Variants in LYVE1 observed in about 807,000 individuals in gnomAD.
LYVE1 encodes the protein lymphatic vessel endothelial hyaluronan receptor 1.
A neutral mutation model predicts 31.5 loss-of-function variants in LYVE1; 29 were observed. The observed-to-expected ratio is 0.92, with a 90% CI of 0.69 to 1.26. The LOEUF is 1.26. Ranked by LOEUF, LYVE1 falls within the 50% of genes most tolerant of loss-of-function variation. LYVE1 has a pLI of 0.00. For synonymous variants in LYVE1, 134 were observed against 139.4 expected, an observed-to-expected ratio of 0.96 and a Z score of 0.27; for missense variants, 376 against 380.2, an observed-to-expected ratio of 0.99 and a Z score of 0.09.
At chr11:10,560,419 A>G in intron 4 of LYVE1, 76 bp downstream of exon 4, 1 of 1,319,114 alleles carries the variant, frequency 7.6e-7, no homozygotes. Flanking sequence ...TCATCTAAAG[A>G]CAGGCAGGAT....
At position 10,558,312 on chromosome 11, in the gene LYVE1, G is replaced by C. The variant is rs1188393171; in HGVS notation, c.*799C>G. ...GTAATCTTCCTTAGTAATCATTTCT[G>C]TAACTCAGATAAAAATAGAAATTTA... On this transcript the variant is annotated 3_prime_UTR_variant, in exon 6 of 6. Transcript: ENST00000256178. The C allele has an allele frequency of 6.6e-6, 1 of 152,156 alleles. No individual in the cohort carries two copies. The highest frequency in any genetic ancestry group is 2.4e-5 in the African/African-American group (1 of 41,442). 9.4% of individuals were successfully genotyped at this position (152,156 alleles called of 1,614,324 possible).
At chr11:10,561,941 C>T (rs1408332158) in intron 3 of LYVE1, among the ~76,000 whole-genome samples, 1 of 152,018 alleles carries the variant, frequency 6.6e-6, no homozygotes, top group Admixed American at 6.6e-5. Flanking sequence ...GCACATTTTG[C>T]ACGTGTATCC....
intron 1 of LYVE1, 50 bp downstream of exon 1, chr11:10,568,398 G>A (rs763183731): frequency 1.3e-6 from 2 of 1,590,526 alleles, no homozygotes; most frequent in African/African-American, 2.7e-5. Context: ...AGCTTAGGAG[G>A]CTTAGGACTG....
At chr11:10,560,239 A>G (rs1292826511) in intron 4 of LYVE1, among the ~76,000 whole-genome samples, 1 of 152,240 alleles carries the variant, frequency 6.6e-6, no homozygotes. Flanking sequence ...ATGCATAGGA[A>G]CAGATAGTGA....
intron 4 of LYVE1, 68 bp from the exon 5 acceptor site, chr11:10,559,962 A>G (rs1205561616): frequency 8.7e-7 from 1 of 1,144,654 alleles, no homozygotes; most frequent in Non-Finnish European, 1.3e-6. Flanking sequence ...TCATTGCATG[A>G]TCCAGGTGAT....
intron 1 of LYVE1, among the ~76,000 whole-genome samples, chr11:10,566,228 G>T (rs1441709205): frequency 6.6e-6 from 1 of 151,896 alleles, no homozygotes; most frequent in Admixed American, 6.6e-5. Flanking sequence ...TTGTGCTTCA[G>T]CCTCCTGACT....
At chr11:10,560,460 C>T (rs766176137) in intron 4 of LYVE1, 35 bp downstream of exon 4, 1 of 1,533,056 alleles carries the variant, frequency 6.5e-7, no homozygotes, top group Non-Finnish European at 8.8e-7. Flanking sequence ...CATGAACATA[C>T]ATACACACGT....
At position 10,557,206 on chromosome 11, in the gene LYVE1, C is replaced by T. The variant is rs150912148; in HGVS notation, c.*1905G>A. The T allele has an allele frequency of 3.7e-4, 56 of 152,220 alleles. No individual in the cohort carries two copies. The highest frequency in any genetic ancestry group is 1.3e-3 in the African/African-American group (53 of 41,510). The allele number at this position is 152,220 out of a possible 1,614,324, so 9.4% of individuals were successfully genotyped here. A position where few individuals can be genotyped will look rare whatever the true frequency, so the allele number is the denominator to read the frequency against. On this transcript the variant is annotated 3_prime_UTR_variant, in exon 6 of 6. Coordinates refer to ENST00000256178, the MANE Select transcript of LYVE1 (RefSeq NM_006691.4). ...CCTTTACTTTGGCATGAGTGTGCAA[C>T]AGAGAGTCATGAGGACTGTGGTGAA...
intron 2 of LYVE1, 40 bp from the exon 3 acceptor site, chr11:10,564,119 A>C (rs1298728580): frequency 4.3e-6 from 7 of 1,614,070 alleles, no homozygotes; most frequent in Admixed American, 1.7e-5. Context: ...AAAAATGATT[A>C]GAAGGCTTCA....
At chr11:10,562,084 T>C (rs1159510432) in intron 3 of LYVE1, among the ~76,000 whole-genome samples, 2 of 152,246 alleles carry the variant, frequency 1.3e-5, no homozygotes, top group South Asian at 2.1e-4. Flanking sequence ...GTCCTCTTCC[T>C]CTGGCTCTTC....
chr11:10,559,488 G>A (rs1429718173), intron 5 of LYVE1, among the ~76,000 whole-genome samples, 191 bp from the exon 6 acceptor site: 1 of 152,188 alleles, frequency 6.6e-6, no homozygotes, highest in Non-Finnish European at 1.5e-5. Context: ...CAATATGTTT[G>A]CAGGCCAGAC....
chr11:10,568,559 A>G lies in LYVE1; in HGVS notation c.-27T>C, dbSNP rs1363671237. Reference sequence around the variant, plus strand: ...GTGCCTACCCCTTCAGAGCCAGGGAAACACCTCAGATGGCCACTGGTGATA... The same window carrying G: ...GTGCCTACCCCTTCAGAGCCAGGGAGACACCTCAGATGGCCACTGGTGATA... On this transcript the variant is annotated 5_prime_UTR_variant, in exon 1 of 6. Coordinates refer to ENST00000256178, the MANE Select transcript of LYVE1 (RefSeq NM_006691.4). The G allele has an allele frequency of 1.9e-6, 3 of 1,608,830 alleles. No homozygotes were observed. Among genetic ancestry groups the G allele is most frequent in the Admixed American group, 1.7e-5 (1 of 59,416 alleles).
intron 3 of LYVE1, 134 bp from the exon 4 acceptor site, chr11:10,560,934 T>G (rs1850412482): frequency 4.3e-6 from 3 of 702,160 alleles, no homozygotes; most frequent in Non-Finnish European, 7.2e-6. Context: ...TCTAACCATA[T>G]CACTTTCTTC....
At chr11:10,565,249 AT>A (rs1850512402) in intron 1 of LYVE1, among the ~76,000 whole-genome samples, 1 of 152,330 alleles carries the variant, frequency 6.6e-6, no homozygotes, top group South Asian at 2.1e-4. Flanking sequence ...TCTGCTAATG[AT>A]TGATTACCCC....
Position 10,568,412 on chromosome 11 carries a change from C to G in LYVE1, c.85+36G>C, listed in dbSNP as rs775229561. 32 of 1,609,804 alleles carry G rather than the reference C, an allele frequency of 2.0e-5. No individual in the cohort carries two copies. In the Admixed American group the frequency reaches 5.0e-4, roughly 25 times the overall value. On this transcript the variant is annotated intron_variant, in intron 1 of 5. Transcript: ENST00000256178. The stretch of plus-strand genomic sequence containing the variant: ...CAGCTTAGGAGGCTTAGGACTGAAG[C>G]CTTGCTTCAGTTTGGAAATCTGGTG...
chr11:10,563,196 G>A (rs1031215649), intron 3 of LYVE1, among the ~76,000 whole-genome samples: 6 of 151,800 alleles, frequency 4.0e-5, no homozygotes, highest in South Asian at 2.1e-4. Context: ...TGATCTGCCC[G>A]CCTCGGCCTC....
At chr11:10,562,461 T>C (rs961316091) in intron 3 of LYVE1, among the ~76,000 whole-genome samples, 2 of 152,254 alleles carry the variant, frequency 1.3e-5, no homozygotes, top group African/African-American at 4.8e-5. Flanking sequence ...ACTTGGATCC[T>C]ATATTGCCTT....
intron 3 of LYVE1, 108 bp downstream of exon 3, chr11:10,563,832 G>A (rs1468592625): frequency 1.1e-5 from 15 of 1,379,902 alleles, no homozygotes; most frequent in African/African-American, 2.8e-5. Flanking sequence ...TTAGATGGCC[G>A]TGGCTGTGAT....
rs1850493380 is a variant in LYVE1, at chr11:10,564,351, T to C, written c.109A>G (p.Arg37Gly). 4 of 1,613,774 alleles carry C rather than the reference T, an allele frequency of 2.5e-6. No individual in the cohort carries two copies. The highest frequency in any genetic ancestry group is 3.4e-6 in the Non-Finnish European group (4 of 1,179,740). Reference protein sequence around the residue: ...AEELSIQVSCRIMGITLVSKK... With the variant: ...AEELSIQVSCGIMGITLVSKK... The stretch of plus-strand genomic sequence containing the variant: ...CTCACAAGGGTGATCCCCATAATTC[T>C]GCATGACACCTGGATGGAAAGCTCT... The change falls in exon 2 of 6, where the codon AGA becomes GGA. Residue 37 changes from arginine to glycine, a missense_variant. Arg to Gly is a moderately radical substitution (Grantham distance 125). Coordinates refer to ENST00000256178, the MANE Select transcript of LYVE1 (RefSeq NM_006691.4).
Sources: gnomAD v4.1 joint callset for allele counts (sites outside exome capture counted in the v4.1 genomes callset) on GRCh38, gnomAD v4.1.1 for gene constraint, MANE v1.5 for transcripts, NCBI Gene and HGNC (gene_info 2026-07-23, HGNC 2026-07-21) for gene names.